The following EEFSEC variants were observed in gnomAD, a reference collection of about 807,000 sequenced individuals.
EEFSEC encodes the protein selenocysteine-specific elongation factor.
In EEFSEC, 43 loss-of-function variants were observed where a neutral mutation model predicts 42.1. That is an observed-to-expected ratio of 1.02 (90% CI 0.80 to 1.32). The LOEUF (loss-of-function observed/expected upper bound fraction) is 1.32. Ranked by LOEUF, EEFSEC falls within the 40% of genes most tolerant of loss-of-function variation. The pLI, the probability that EEFSEC is intolerant of heterozygous loss-of-function variation, is 0.00. For synonymous variants in EEFSEC, 354 were observed against 339.1 expected, an observed-to-expected ratio of 1.04 and a Z score of -0.48; for missense variants, 745 against 803.6, an observed-to-expected ratio of 0.93 and a Z score of 0.88.
At chr3:128,223,094 A>G (rs141952406) in intron 1 of EEFSEC, among the ~76,000 whole-genome samples, 2,259 of 152,346 alleles carry the variant, frequency 0.015, 27 homozygotes, top group Middle Eastern at 0.048. Context: ...TAATTCAATC[A>G]GTCATACCTA....
Position 128,408,283 on chromosome 3 carries a change from C to A in EEFSEC, c.*24C>A, listed in dbSNP as rs925111316. 3.9e-6 allele frequency: 6 copies of A among 1,532,716 alleles called. No homozygotes were observed. The Admixed American group carries it at 7.6e-5, about 20-fold the overall frequency. 94.9% of individuals were successfully genotyped at this position (1,532,716 alleles called of 1,614,324 possible). On this transcript the variant is annotated 3_prime_UTR_variant, in exon 7 of 7. Coordinates refer to ENST00000254730, the MANE Select transcript of EEFSEC (RefSeq NM_021937.5). ...GAGTGTCCGGTGACCTCCCCCAGGG[C>A]CTCCTTGCCCAGCCCAGTCCAGGCT...
At chr3:128,172,351 CT>C (rs2065307408) in intron 1 of EEFSEC, among the ~76,000 whole-genome samples, 1 of 152,234 alleles carries the variant, frequency 6.6e-6, no homozygotes, top group African/African-American at 2.4e-5. Context: ...GCCACCTGGC[CT>C]CTCTGAGCCT....
chr3:128,424,681 A>T, the EEFSEC span, among the ~76,000 whole-genome samples: 1 of 152,142 alleles, frequency 6.6e-6, no homozygotes, highest in East Asian at 1.9e-4. Context: ...CACGGCACCC[A>T]GCCATTTATC....
intron 1 of EEFSEC, among the ~76,000 whole-genome samples, chr3:128,208,619 T>C (rs1380036787): frequency 6.6e-6 from 1 of 152,200 alleles, no homozygotes; most frequent in African/African-American, 2.4e-5. Flanking sequence ...GAGCTCCACA[T>C]AGGGCCAGTG....
chr3:128,356,348 G>C (rs1370601520), intron 5 of EEFSEC, among the ~76,000 whole-genome samples: 1 of 152,152 alleles, frequency 6.6e-6, no homozygotes, highest in African/African-American at 2.4e-5. Context: ...TTATTTCTCA[G>C]TCAGATGTAA....
intron 4 of EEFSEC, among the ~76,000 whole-genome samples, chr3:128,281,695 CT>C (rs1445499367): frequency 1.3e-5 from 2 of 152,162 alleles, no homozygotes; most frequent in African/African-American, 2.4e-5. Context: ...CTGGGATCCA[CT>C]CCAGGGCCTG....
At chr3:128,263,981 C>T (rs910381325) in intron 3 of EEFSEC, among the ~76,000 whole-genome samples, 1 of 152,186 alleles carries the variant, frequency 6.6e-6, no homozygotes, top group Non-Finnish European at 1.5e-5. Flanking sequence ...ACCTGGCTCT[C>T]ACAGCCCTAT....
chr3:128,167,779 TA>T (rs1395177413), intron 1 of EEFSEC, among the ~76,000 whole-genome samples: 1 of 152,222 alleles, frequency 6.6e-6, no homozygotes, highest in Admixed American at 6.5e-5. Flanking sequence ...AGAACATTTT[TA>T]AAAGCTATAA....
At chr3:128,215,544 A>G (rs1224517551) in intron 1 of EEFSEC, among the ~76,000 whole-genome samples, 1 of 152,228 alleles carries the variant, frequency 6.6e-6, no homozygotes, top group Admixed American at 6.5e-5. Context: ...GGAACATGCT[A>G]TAAAGCTATT....
chr3:128,370,259 A>G (rs1030199818), intron 6 of EEFSEC, among the ~76,000 whole-genome samples: 2 of 152,158 alleles, frequency 1.3e-5, no homozygotes, highest in African/African-American at 4.8e-5. Flanking sequence ...TCTGCCCATC[A>G]TAGGCAATGC....
chr3:128,302,144 A>G (rs775739895), intron 4 of EEFSEC, among the ~76,000 whole-genome samples: 41 of 152,180 alleles, frequency 2.7e-4, no homozygotes, highest in Non-Finnish European at 5.1e-4. Flanking sequence ...CATGACATTT[A>G]TCATCTTGGT....
chr3:128,382,292 C>T (rs2067785353), intron 6 of EEFSEC, among the ~76,000 whole-genome samples: 2 of 152,230 alleles, frequency 1.3e-5, no homozygotes, highest in African/African-American at 4.8e-5. Context: ...CCAGGGCAGA[C>T]ACGCTGTGCC....
chr3:128,386,633 A>T (rs2067841698), intron 6 of EEFSEC, among the ~76,000 whole-genome samples: 1 of 152,234 alleles, frequency 6.6e-6, no homozygotes, highest in Non-Finnish European at 1.5e-5. Flanking sequence ...ATAAAATTTT[A>T]AAAAGGCTGT....
intron 1 of EEFSEC, among the ~76,000 whole-genome samples, chr3:128,171,179 C>T (rs976781214): frequency 6.6e-6 from 1 of 152,148 alleles, no homozygotes; most frequent in Non-Finnish European, 1.5e-5. Flanking sequence ...TTTCACAGGT[C>T]AGCATAGTTA....
intron 4 of EEFSEC, among the ~76,000 whole-genome samples, chr3:128,335,343 G>A (rs1159761901): frequency 6.6e-6 from 1 of 152,206 alleles, no homozygotes; most frequent in East Asian, 1.9e-4. Context: ...GACAGGGATA[G>A]GCCAATGCCT....
intron 6 of EEFSEC, among the ~76,000 whole-genome samples, chr3:128,365,218 G>A (rs1290531892): frequency 6.6e-6 from 1 of 152,214 alleles, no homozygotes; most frequent in African/African-American, 2.4e-5. Flanking sequence ...ACAAGGCCTG[G>A]GTGGGGAGGG....
Position 128,247,044 on chromosome 3 carries a change from G to A in EEFSEC, c.524+1G>A. ...TGCAGAAGACCCTAGAGAACACCAA[G>A]TAGGTCTGCTAATGAGAGCAATGTT... is the stretch of plus-strand genomic sequence containing the variant. On this transcript the variant is annotated splice_donor_variant, in intron 2 of 6. Coordinates refer to ENST00000254730, the MANE Select transcript of EEFSEC (RefSeq NM_021937.5). LOFTEE classifies it high-confidence loss of function. 6.2e-7 allele frequency: 1 copy of A among 1,613,892 alleles called. No homozygotes were observed. The highest frequency in any genetic ancestry group is 1.3e-5 in the African/African-American group (1 of 75,050).
chr3:128,240,969 C>T (rs1166053866), intron 1 of EEFSEC, among the ~76,000 whole-genome samples: 4 of 152,244 alleles, frequency 2.6e-5, no homozygotes, highest in Non-Finnish European at 5.9e-5. Context: ...GTCTGAGAAG[C>T]TGTGTTCTGA....
chr3:128,388,089 C>A (rs1455776123), intron 6 of EEFSEC, among the ~76,000 whole-genome samples: 1 of 152,260 alleles, frequency 6.6e-6, no homozygotes, highest in Non-Finnish European at 1.5e-5. Flanking sequence ...CAGGTCCTCA[C>A]TCTGAACTGG....
Sources: allele counts gnomAD v4.1 joint callset (sites outside exome capture counted in the v4.1 genomes callset), GRCh38; gene constraint gnomAD v4.1.1; transcripts MANE v1.5; gene names NCBI Gene and HGNC (gene_info 2026-07-23, HGNC 2026-07-21).